C1orf54: variants seen among roughly 807,000 people sequenced by gnomAD.
C1orf54 encodes uncharacterized protein C1orf54.
Under a neutral mutation model 14.7 loss-of-function variants are expected in C1orf54, and 12 were observed. The ratio of observed to expected loss-of-function variants is 0.82; its 90% confidence interval spans 0.52 to 1.32. The LOEUF is 1.32. C1orf54 is among the 40% of genes most tolerant of loss of function. The pLI, the probability that C1orf54 is intolerant of heterozygous loss-of-function variation, is 0.00. For missense variants in C1orf54, 163 were observed against 162.2 expected, an observed-to-expected ratio of 1.00 and a Z score of -0.03; for synonymous variants, 65 against 56.3, an observed-to-expected ratio of 1.16 and a Z score of -0.70.
At position 150,279,722 on chromosome 1, in the gene C1orf54, G is replaced by T; in HGVS notation, c.380G>T (p.Gly127Val). ...CTGTCGTGTGCCTTTGTTCAGGTGG[G>T]GATGTATTTCATGTAGAAGGTAAGA... The part of the protein sequence containing the change: ...LLLSCAFVQV[G>V]MYFM Residue 127 changes from glycine to valine, a missense_variant, in exon 5 of 6, where the codon GGG becomes GTG. By Grantham distance (109) the Gly-to-Val change is moderately radical. Coordinates refer to ENST00000369099, the MANE Select transcript of C1orf54 (RefSeq NM_024579.4). 1 of 1,612,264 alleles carries T rather than the reference G, an allele frequency of 6.2e-7. No individual in the cohort carries two copies. The highest frequency in any genetic ancestry group is 8.5e-7 in the Non-Finnish European group (1 of 1,179,124).
intron 2 of C1orf54, among the ~76,000 whole-genome samples, chr1:150,274,419 T>C (rs1553851977): frequency 6.6e-6 from 1 of 150,718 alleles, no homozygotes; most frequent in African/African-American, 2.5e-5. Flanking sequence ...GCTAACACAG[T>C]GAAACCCTGT....
intron 1 of C1orf54, among the ~76,000 whole-genome samples, chr1:150,273,643 T>C (rs1553851742): frequency 6.6e-6 from 1 of 152,182 alleles, no homozygotes; most frequent in Non-Finnish European, 1.5e-5. Flanking sequence ...GAACTAAAGC[T>C]CAAATCCAAA....
chr1:150,272,915 G>T, intron 1 of C1orf54, 52 bp downstream of exon 1: 1 of 1,592,518 alleles, frequency 6.3e-7, no homozygotes, highest in Non-Finnish European at 8.6e-7. Context: ...TACCATAAAT[G>T]GGGTGGGAGA....
At chr1:150,275,538 T>C (rs1553852255) in intron 2 of C1orf54, among the ~76,000 whole-genome samples, 1 of 152,142 alleles carries the variant, frequency 6.6e-6, no homozygotes, top group Non-Finnish European at 1.5e-5. Flanking sequence ...TTCAAATTTG[T>C]AAATTATTTT....
chr1:150,273,159 C>A (rs1306591441), intron 1 of C1orf54, among the ~76,000 whole-genome samples: 1 of 152,036 alleles, frequency 6.6e-6, no homozygotes, highest in African/African-American at 2.4e-5. Flanking sequence ...ATGACAGGGG[C>A]TAAAGTAAGG....
intron 2 of C1orf54, among the ~76,000 whole-genome samples, chr1:150,274,638 C>T (rs1253172778): frequency 1.4e-5 from 2 of 146,446 alleles, no homozygotes; most frequent in Non-Finnish European, 3.0e-5. Context: ...ATGGGCTGGG[C>T]GCAGTGACTC....
intron 2 of C1orf54, 48 bp from the exon 3 acceptor site, chr1:150,275,693 G>C: frequency 6.9e-7 from 1 of 1,446,580 alleles, no homozygotes; most frequent in East Asian, 2.3e-5. Context: ...TCCAGATCTA[G>C]AGTTACATTT....
upstream of C1orf54, chr1:150,269,070 C>T (rs201231927): frequency 2.4e-6 from 1 of 423,726 alleles, no homozygotes; most frequent in Non-Finnish European, 4.4e-6. Context: ...TCCCCACCCC[C>T]GGAAGGCCAA....
upstream of C1orf54, chr1:150,268,964 A>G (rs200721652): frequency 8.1e-6 from 5 of 620,060 alleles, no homozygotes; most frequent in Non-Finnish European, 1.1e-5. Flanking sequence ...GAAGGGGGGG[A>G]ACCGAAACCC....
Position 150,274,103 on chromosome 1 carries a change from T to G in C1orf54, c.63T>G (p.Asp21Glu), listed in dbSNP as rs587704819. 3.1e-6 allele frequency: 5 copies of G among 1,611,940 alleles called. No individual in the cohort carries two copies. The African/African-American group carries it at 6.7e-5, about 21-fold the overall frequency. ...TCCCCATAGGACAAGAATATGAGGA[T>G]GAAGAAAGACTGGGAGAGGATGAAT... Reference protein sequence around the residue: ...VPLILGQEYEDEERLGEDEYY... With the variant: ...VPLILGQEYEEEERLGEDEYY... The change falls in exon 2 of 6, where the codon GAT becomes GAG. Residue 21 changes from aspartate (D) to glutamate (E), a missense_variant. Coordinates refer to ENST00000369099, the MANE Select transcript of C1orf54 (RefSeq NM_024579.4).
upstream of C1orf54, chr1:150,272,509 TTTTTTA>T (rs1652281083): frequency 3.5e-6 from 1 of 288,966 alleles, no homozygotes; most frequent in Non-Finnish European, 6.5e-6. Flanking sequence ...GGTAGGCTTA[TTTTTTA>T]TTTTTATTTT....
upstream of C1orf54, among the ~76,000 whole-genome samples, chr1:150,271,750 G>T (rs1652217632): frequency 6.6e-6 from 1 of 152,214 alleles, no homozygotes. Flanking sequence ...CATACCAAGT[G>T]ACTGAATGTG....
At chr1:150,277,274 G>A (rs782781915) in intron 4 of C1orf54, among the ~76,000 whole-genome samples, 31 of 152,090 alleles carry the variant, frequency 2.0e-4, no homozygotes, top group Non-Finnish European at 7.4e-5. Context: ...CAAGGTGGTC[G>A]GATCACTTGA....
At chr1:150,277,967 C>T (rs1401945633) in intron 4 of C1orf54, among the ~76,000 whole-genome samples, 1 of 152,110 alleles carries the variant, frequency 6.6e-6, no homozygotes, top group Non-Finnish European at 1.5e-5. Flanking sequence ...TGTGGTGGCA[C>T]ATGCCTGTAA....
intron 5 of C1orf54, 27 bp downstream of exon 5, chr1:150,279,768 G>A: frequency 6.4e-7 from 1 of 1,559,558 alleles, no homozygotes; most frequent in Non-Finnish European, 8.8e-7. Flanking sequence ...TGGCTTTGGG[G>A]GAGTCTGTGA....
At chr1:150,276,721 TG>T in intron 4 of C1orf54, 89 bp downstream of exon 4, 8 of 1,055,606 alleles carry the variant, frequency 7.6e-6, no homozygotes, top group Non-Finnish European at 1.0e-5. Flanking sequence ...CAGGCTTTGG[TG>T]GATGGGAGAA....
intron 2 of C1orf54, among the ~76,000 whole-genome samples, chr1:150,274,986 C>T (rs987416711): frequency 5.9e-5 from 9 of 151,562 alleles, no homozygotes; most frequent in African/African-American, 2.2e-4. Flanking sequence ...TGCTTGAGCC[C>T]AGGAGTTCAA....
upstream of C1orf54, among the ~76,000 whole-genome samples, chr1:150,270,040 A>G (rs1652086060): frequency 6.6e-6 from 1 of 152,206 alleles, no homozygotes; most frequent in Non-Finnish European, 1.5e-5. Flanking sequence ...CTGTCTCAAA[A>G]AAGAAAAAGA....
intron 1 of C1orf54, 61 bp downstream of exon 1, chr1:150,272,924 GA>G (rs1560040744): frequency 1.0e-5 from 16 of 1,557,930 alleles, no homozygotes; most frequent in Admixed American, 5.2e-5. Flanking sequence ...TGGGGTGGGA[GA>G]AAAAAAATGA....
Sources: allele counts gnomAD v4.1 joint callset (sites outside exome capture counted in the v4.1 genomes callset), GRCh38; gene constraint gnomAD v4.1.1; transcripts MANE v1.5; gene names NCBI Gene and HGNC (gene_info 2026-07-23, HGNC 2026-07-21).